Variants in ACSL3 observed in about 807,000 individuals in gnomAD.
ACSL3 encodes fatty acid CoA ligase Acsl3.
ACSL3 carries 34 observed loss-of-function variants against 84.7 expected under a neutral mutation model. That is an observed-to-expected ratio of 0.40 (90% confidence interval 0.31 to 0.53). ACSL3 has a LOEUF of 0.53. ACSL3 is among the 20% of genes least tolerant of loss of function. ACSL3 has a pLI of 0.48. For synonymous variants in ACSL3, 315 were observed against 299.4 expected (o/e 1.05, Z -0.54); for missense variants, 680 against 873.1 (o/e 0.78, Z 2.79).
chr2:222,890,660 G>T lies in ACSL3; in HGVS notation c.-148+2772G>T, dbSNP rs764140223. ...TTTGTTTGTTTGTTTGTTTATTTTTGAGACAGAGTCTTGGTCTGTGGCCCA... is the reference window on the plus strand; with the variant it reads ...TTTGTTTGTTTGTTTGTTTATTTTTTAGACAGAGTCTTGGTCTGTGGCCCA... On this transcript the variant is annotated intron_variant, in intron 2 of 16. Transcript: ENST00000357430. Among the ~76,000 whole-genome samples the T allele has an allele frequency of 5.3e-5, 8 of 152,072 alleles. No homozygotes were observed. The South Asian group carries it at 6.2e-4, about 12-fold the overall frequency.
chr2:222,894,499 C>A (rs1349978058), intron 2 of ACSL3, among the ~76,000 whole-genome samples: 2 of 152,180 alleles, frequency 1.3e-5, no homozygotes, highest in African/African-American at 4.8e-5. Context: ...TTTGTTTGCT[C>A]ATCTTTATTG....
chr2:222,886,304 CT>C (rs1182557625), intron 1 of ACSL3, among the ~76,000 whole-genome samples: 3 of 152,176 alleles, frequency 2.0e-5, no homozygotes, highest in Non-Finnish European at 4.4e-5. Context: ...TCAACTCCCA[CT>C]TATGAGTGAG....
chr2:222,878,663 G>C (rs1442530610), intron 1 of ACSL3, among the ~76,000 whole-genome samples: 4 of 152,194 alleles, frequency 2.6e-5, no homozygotes, highest in African/African-American at 9.7e-5. Flanking sequence ...CCCCAGCCCT[G>C]TATTTCTAAC....
chr2:222,893,731 C>T (rs1178606222), intron 2 of ACSL3, among the ~76,000 whole-genome samples: 1 of 151,876 alleles, frequency 6.6e-6, no homozygotes, highest in Non-Finnish European at 1.5e-5. Flanking sequence ...TCCCTTCCCC[C>T]GCTTTCCGCC....
At chr2:222,880,308 G>C (rs922301477) in intron 1 of ACSL3, among the ~76,000 whole-genome samples, 1 of 152,024 alleles carries the variant, frequency 6.6e-6, no homozygotes, top group African/African-American at 2.4e-5. Flanking sequence ...TTGGTTTATG[G>C]GTTAATTTTG....
chr2:222,912,725 G>GC (rs1696479192), intron 4 of ACSL3, among the ~76,000 whole-genome samples: 1 of 152,144 alleles, frequency 6.6e-6, no homozygotes, highest in African/African-American at 2.4e-5. Context: ...AAAGGCAGTG[G>GC]CGATGACCCT....
intron 2 of ACSL3, among the ~76,000 whole-genome samples, chr2:222,895,039 T>C (rs1306446275): frequency 1.3e-5 from 2 of 152,210 alleles, no homozygotes; most frequent in African/African-American, 2.4e-5. Context: ...CCTGTGACCC[T>C]GACACTACTC....
chr2:222,864,501 C>T (rs373776686), intron 1 of ACSL3, among the ~76,000 whole-genome samples: 4 of 151,716 alleles, frequency 2.6e-5, no homozygotes, highest in African/African-American at 9.7e-5. Context: ...GATGTTCCTG[C>T]AAGGCGATGA....
At chr2:222,926,028 GTGAGT>G (rs1414069878) in intron 11 of ACSL3, among the ~76,000 whole-genome samples, 1 of 152,136 alleles carries the variant, frequency 6.6e-6, no homozygotes, top group Non-Finnish European at 1.5e-5. Flanking sequence ...TATTTCTTCA[GTGAGT>G]TGTAAAGTCG....
intron 4 of ACSL3, among the ~76,000 whole-genome samples, chr2:222,913,293 C>T (rs1342137169): frequency 1.3e-5 from 2 of 152,216 alleles, no homozygotes; most frequent in Middle Eastern, 3.4e-3. Flanking sequence ...TGTGTTATTT[C>T]TTAGTCACAT....
At position 222,876,294 on chromosome 2, in the gene ACSL3, G is replaced by T. The variant is rs900198774; in HGVS notation, c.-206-11536G>T. ...GATGTTTGAGCAAGAGCTAGTTATT[G>T]CTTTATGGTTTTTTTTGTTGTTGTT... On this transcript the variant is annotated intron_variant, in intron 1 of 16. Transcript: ENST00000357430. Among the ~76,000 whole-genome samples, 3 of 151,986 alleles carry T rather than the reference G, an allele frequency of 2.0e-5. No homozygotes were observed. In the South Asian group the frequency reaches 6.2e-4, roughly 32 times the overall value.
intron 1 of ACSL3, among the ~76,000 whole-genome samples, chr2:222,875,351 GT>G (rs1695418000): frequency 1.3e-5 from 2 of 152,222 alleles, no homozygotes; most frequent in East Asian, 1.9e-4. Flanking sequence ...CTTTGGAGTG[GT>G]GGGTTGGAGG....
At chr2:222,923,948 C>G (rs1671093806) in intron 10 of ACSL3, among the ~76,000 whole-genome samples, 1 of 152,138 alleles carries the variant, frequency 6.6e-6, no homozygotes, top group Admixed American at 6.5e-5. Flanking sequence ...GCAGCACAGA[C>G]AAGGAAAACT....
In ACSL3 at chr2:222,918,088, A is replaced by G; in HGVS notation, c.599A>G (p.His200Arg). The change falls in exon 6 of 17, where the codon CAT becomes CGT. Residue 200 changes from histidine (H) to arginine (R), a missense_variant. Transcript: ENST00000357430. ...ACTCTAGGAGGTCCAGCCATTGTTC[A>G]TGCATTAAATGAAACAGAGGTGACC... is the stretch of plus-strand genomic sequence containing the variant. ...YATLGGPAIV[H>R]ALNETEVTNI... 1.2e-6 allele frequency: 2 copies of G among 1,612,876 alleles called. No homozygotes were observed. Among genetic ancestry groups the G allele is most frequent in the Non-Finnish European group, 1.7e-6 (2 of 1,179,314 alleles).
intron 2 of ACSL3, among the ~76,000 whole-genome samples, chr2:222,896,622 G>A (rs1695987674): frequency 9.2e-5 from 1 of 10,918 alleles, no homozygotes; most frequent in South Asian, 0.014. Context: ...CGGGCAGAGG[G>A]GCTCCTCACT....
At position 222,918,171 on chromosome 2, in the gene ACSL3, ACTTT is replaced by A. The variant is rs1361161129; in HGVS notation, c.666+19_666+22del. 6.5e-7 allele frequency: 1 copy of A among 1,527,952 alleles called. No homozygotes were observed. The highest frequency in any genetic ancestry group is 1.7e-5 in the Admixed American group (1 of 58,782). 94.6% of individuals were successfully genotyped at this position (1,527,952 alleles called of 1,614,324 possible). ...AAAGTTGAAGGTGAGGACTCTAGTTACTTTCTAACTGTCTGATACTTTAGAATTT... is the reference window on the plus strand; with the variant it reads ...AAAGTTGAAGGTGAGGACTCTAGTTACTAACTGTCTGATACTTTAGAATTT... On this transcript the variant is annotated intron_variant, in intron 6 of 16. Transcript: ENST00000357430.
chr2:222,863,784 T>C (rs187038367), intron 1 of ACSL3, among the ~76,000 whole-genome samples: 1 of 152,210 alleles, frequency 6.6e-6, no homozygotes, highest in East Asian at 1.9e-4. Flanking sequence ...GTTAAAAATA[T>C]ATAAATGTCT....
chr2:222,912,988 G>A (rs77311275), intron 4 of ACSL3, among the ~76,000 whole-genome samples: 2,662 of 152,198 alleles, frequency 0.017, 82 homozygotes, highest in African/African-American at 0.061. Context: ...AATGATTTCA[G>A]GACAACCTTA....
At chr2:222,915,967 C>G (rs1482693498) in intron 4 of ACSL3, among the ~76,000 whole-genome samples, 1 of 152,088 alleles carries the variant, frequency 6.6e-6, no homozygotes, top group Non-Finnish European at 1.5e-5. Flanking sequence ...AAGTTAACAC[C>G]TACATCATTT....
Sources: allele counts gnomAD v4.1 joint callset (sites outside exome capture counted in the v4.1 genomes callset), GRCh38; gene constraint gnomAD v4.1.1; transcripts MANE v1.5; gene names NCBI Gene and HGNC (gene_info 2026-07-23, HGNC 2026-07-21).